Variants in GABRB1 observed in about 807,000 individuals in gnomAD.
GABRB1 encodes the protein gamma-aminobutyric acid receptor subunit beta-1.
A neutral mutation model predicts 51.6 loss-of-function variants in GABRB1; 17 were observed. The ratio of observed to expected loss-of-function variants is 0.33; its 90% CI spans 0.23 to 0.49. GABRB1 has a LOEUF of 0.49. Ranked by LOEUF, GABRB1 falls within the 20% of genes least tolerant of loss-of-function variation. The pLI is 0.99. For synonymous variants in GABRB1, 247 were observed against 218.9 expected (o/e 1.13, Z -1.14); for missense variants, 410 against 600.6 (o/e 0.68, Z 3.32).
At chr4:47,069,757 A>G (rs1049409391) in intron 3 of GABRB1, among the ~76,000 whole-genome samples, 2 of 152,060 alleles carry the variant, frequency 1.3e-5, no homozygotes, top group Non-Finnish European at 2.9e-5. Context: ...CTCATTTGCC[A>G]TGGTGCATTT....
intron 3 of GABRB1, among the ~76,000 whole-genome samples, chr4:47,069,581 A>T (rs1047134175): frequency 2.5e-4 from 38 of 152,114 alleles, no homozygotes; most frequent in Non-Finnish European, 1.0e-4. Flanking sequence ...TACCCTCAGG[A>T]ACCACACTCT....
intron 4 of GABRB1, among the ~76,000 whole-genome samples, chr4:47,280,152 G>A (rs1007053026): frequency 4.0e-5 from 6 of 150,738 alleles, no homozygotes; most frequent in Non-Finnish European, 5.9e-5. Context: ...TTTATCTTTT[G>A]TGTAGCTACA....
At chr4:47,036,479 A>T (rs1277845533) in intron 3 of GABRB1, among the ~76,000 whole-genome samples, 1 of 152,164 alleles carries the variant, frequency 6.6e-6, no homozygotes, top group Non-Finnish European at 1.5e-5. Flanking sequence ...GGGGCCTGAC[A>T]TTCTGCATTT....
At chr4:47,425,480 TGATAGATA>T (rs3138735) in intron 8 of GABRB1, among the ~76,000 whole-genome samples, 186 bp from the exon 9 acceptor site, 3,454 of 142,428 alleles carry the variant, frequency 0.024, 62 homozygotes, top group Middle Eastern at 0.045. Context: ...TGGATGATGA[TGATAGATA>T]GATAGATAGA....
rs1418874662 is a variant in GABRB1, at chr4:47,050,592, T to C, written c.240+18108T>C. Among the ~76,000 whole-genome samples, 4 of 152,270 alleles carry C rather than the reference T, an allele frequency of 2.6e-5. No homozygotes were observed. In the East Asian group the frequency reaches 7.7e-4, roughly 29 times the overall value. ...TGAATAAGAATTTATAAATACCAGC[T>C]TATCATTTTTGTTGGATACCTGCTT... On this transcript the variant is annotated intron_variant, in intron 3 of 8. Coordinates refer to ENST00000295454, the MANE Select transcript of GABRB1 (RefSeq NM_000812.4).
At chr4:47,333,196 A>G (rs1483845042) in intron 5 of GABRB1, among the ~76,000 whole-genome samples, 36 of 454 alleles carry the variant, frequency 0.079, 1 homozygote, top group African/African-American at 0.1. Context: ...CATTTTATTT[A>G]TATATATATA....
intron 5 of GABRB1, among the ~76,000 whole-genome samples, chr4:47,360,165 G>T (rs1008579749): frequency 1.3e-5 from 2 of 151,588 alleles, no homozygotes; most frequent in Admixed American, 6.6e-5. Context: ...TCGAGAATCC[G>T]TTTATTATTC....
intron 4 of GABRB1, among the ~76,000 whole-genome samples, chr4:47,258,287 G>A (rs571308393): frequency 6.6e-6 from 1 of 151,962 alleles, no homozygotes. Flanking sequence ...TTCAGAAAAG[G>A]GTACTATCAT....
At chr4:47,311,411 C>CAAAAA (rs71276540) in intron 4 of GABRB1, among the ~76,000 whole-genome samples, 2 of 46,326 alleles carry the variant, frequency 4.3e-5, no homozygotes, top group African/African-American at 7.9e-5. Flanking sequence ...GACTCTGTCT[C>CAAAAA]AAAAAAAAAA....
intron 1 of GABRB1, among the ~76,000 whole-genome samples, chr4:47,012,460 C>T (rs1724610884): frequency 6.6e-6 from 1 of 152,082 alleles, no homozygotes; most frequent in Non-Finnish European, 1.5e-5. Flanking sequence ...TTGGTTTTCT[C>T]TTCCTGCCTC....
At chr4:47,320,446 A>G (rs1725038129) in intron 5 of GABRB1, among the ~76,000 whole-genome samples, 1 of 152,218 alleles carries the variant, frequency 6.6e-6, no homozygotes, top group South Asian at 2.1e-4. Context: ...TCTCCTTCTC[A>G]GAACGTAGTT....
At chr4:47,396,883 G>A (rs925902453) in intron 5 of GABRB1, among the ~76,000 whole-genome samples, 5 of 152,120 alleles carry the variant, frequency 3.3e-5, no homozygotes, top group African/African-American at 1.2e-4. Context: ...GGAGTATCTT[G>A]ATACAGTTTT....
intron 5 of GABRB1, among the ~76,000 whole-genome samples, chr4:47,325,942 G>A (rs983688446): frequency 2.0e-5 from 3 of 152,138 alleles, no homozygotes; most frequent in Non-Finnish European, 4.4e-5. Context: ...GATCACAAGG[G>A]CAGAGTCCTC....
intron 4 of GABRB1, among the ~76,000 whole-genome samples, chr4:47,201,352 T>G (rs972138981): frequency 4.6e-5 from 7 of 152,188 alleles, no homozygotes; most frequent in African/African-American, 1.7e-4. Context: ...AAGCTAAGAC[T>G]GTTTTGGGGC....
chr4:47,303,051 G>T (rs1223676754), intron 4 of GABRB1, among the ~76,000 whole-genome samples: 1 of 151,784 alleles, frequency 6.6e-6, no homozygotes, highest in African/African-American at 2.4e-5. Flanking sequence ...GGTTTGTTTT[G>T]TTGTTTTTAG....
intron 3 of GABRB1, among the ~76,000 whole-genome samples, chr4:47,067,976 G>A (rs1392484523): frequency 1.3e-5 from 2 of 152,028 alleles, no homozygotes; most frequent in African/African-American, 4.8e-5. Flanking sequence ...GAGAACATGT[G>A]GTGTTTTGTT....
intron 4 of GABRB1, among the ~76,000 whole-genome samples, chr4:47,318,850 T>C (rs1269536681): frequency 2.6e-5 from 4 of 152,158 alleles, no homozygotes; most frequent in African/African-American, 4.8e-5. Context: ...AGTGTAATCA[T>C]AAGTTAAACA....
intron 4 of GABRB1, among the ~76,000 whole-genome samples, chr4:47,209,587 A>G (rs531965464): frequency 9.1e-4 from 139 of 152,174 alleles, no homozygotes; most frequent in African/African-American, 3.1e-3. Context: ...TGTATTTATC[A>G]GTCTCCCCTA....
chr4:47,008,964 T>C (rs1577820988), intron 1 of GABRB1, among the ~76,000 whole-genome samples: 1 of 138,496 alleles, frequency 7.2e-6, no homozygotes, highest in South Asian at 2.5e-4. Flanking sequence ...CCCGGGTTCA[T>C]GCCATTCTCC....
Sources: gnomAD v4.1 joint callset for allele counts (sites outside exome capture counted in the v4.1 genomes callset) on GRCh38, gnomAD v4.1.1 for gene constraint, MANE v1.5 for transcripts, NCBI Gene and HGNC (gene_info 2026-07-23, HGNC 2026-07-21) for gene names.